CEACAM16: variants seen among roughly 807,000 people sequenced by gnomAD.
The protein encoded by CEACAM16 is cell adhesion molecule CEACAM16.
A neutral mutation model predicts 39.4 loss-of-function variants in CEACAM16; 30 were observed. That is an observed-to-expected ratio of 0.76 (90% CI 0.57 to 1.03). CEACAM16 has a LOEUF of 1.03. CEACAM16 is among the 50% of genes least tolerant of loss of function. The pLI is 0.00. For missense variants in CEACAM16, 521 were observed against 585.3 expected (o/e 0.89, Z 1.13); for synonymous variants, 262 against 264.9 (o/e 0.99, Z 0.11).
chr19:44,705,672 C>T lies in CEACAM16; in HGVS notation c.744C>T (p.Leu248=). ...TCAAAGTTGACTTCAACACGTCCCT[C>T]ACCCTGTGGTGCGTGTCCAGGTCCT... ...CTIKVDFNTS[L]TLWCVSRSCP... Residue 248 remains leucine, a synonymous_variant, in exon 5 of 7, where the codon CTC becomes CTT. Coordinates refer to ENST00000587331, the MANE Select transcript of CEACAM16 (RefSeq NM_001039213.4). The T allele has an allele frequency of 6.2e-7, 1 of 1,613,954 alleles. No individual in the cohort carries two copies. Among genetic ancestry groups the T allele is most frequent in the African/African-American group, 1.3e-5 (1 of 75,064 alleles).
Position 44,703,471 on chromosome 19 carries a change from T to A in CEACAM16, c.160T>A (p.Tyr54Asn), listed in dbSNP as rs760535948. 9.3e-6 allele frequency: 15 copies of A among 1,613,716 alleles called. No individual in the cohort carries two copies. The highest frequency in any genetic ancestry group is 1.2e-5 in the Non-Finnish European group (14 of 1,179,898). Reference protein sequence around the residue: ...LSGELLAYSWYAGPTLSVSYL... With the variant: ...LSGELLAYSWNAGPTLSVSYL... ...GGGGGAACTGCTCGCCTACAGCTGG[T>A]ATGCGGGGCCCACACTCAGCGTGTC... Residue 54 changes from tyrosine (Y) to asparagine (N), a missense_variant, in exon 3 of 7, where the codon TAT (tyrosine) becomes AAT (asparagine). Tyr to Asn is a moderately radical substitution (Grantham distance 143). Coordinates refer to ENST00000587331, the MANE Select transcript of CEACAM16 (RefSeq NM_001039213.4).
At chr19:44,702,238 T>A (rs1416395083) in intron 2 of CEACAM16, among the ~76,000 whole-genome samples, 2 of 150,706 alleles carry the variant, frequency 1.3e-5, no homozygotes, top group Non-Finnish European at 3.0e-5. Context: ...GGTCACAGTG[T>A]GCCGAGACTG....
intron 4 of CEACAM16, 103 bp from the exon 5 acceptor site, chr19:44,705,487 A>G: frequency 7.8e-7 from 1 of 1,275,984 alleles, no homozygotes; most frequent in Admixed American, 2.7e-5. Context: ...CACTAGGCCA[A>G]GATATTCCCA....
Position 44,704,194 on chromosome 19 carries a change from GC to G in CEACAM16, c.561del (p.Arg188GlyfsTer30). 1 of 1,564,758 alleles carries G rather than the reference GC, an allele frequency of 6.4e-7. No homozygotes were observed. The highest frequency in any genetic ancestry group is 8.7e-7 in the Non-Finnish European group (1 of 1,155,240). On this transcript the variant is annotated frameshift_variant, in exon 4 of 7. Coordinates refer to ENST00000587331, the MANE Select transcript of CEACAM16 (RefSeq NM_001039213.4). LOFTEE classifies it high-confidence loss of function. ...CCTGTCCCCTGACGGCCGGGTGCTG[GC>G]CAGGCATGGCATCCGCCGGGAGGAG... ...LGLSPDGRVL[A>X]RHGIRREEAG...
chr19:44,707,690 G>T (rs1974470717), intron 5 of CEACAM16, among the ~76,000 whole-genome samples, 171 bp from the exon 6 acceptor site: 1 of 152,124 alleles, frequency 6.6e-6, no homozygotes, highest in Non-Finnish European at 1.5e-5. Flanking sequence ...GACACTACTG[G>T]GACCCAGAAT....
chr19:44,709,182 A>C (rs575265842), intron 6 of CEACAM16, among the ~76,000 whole-genome samples: 66 of 151,638 alleles, frequency 4.4e-4, no homozygotes, highest in African/African-American at 1.2e-3. Context: ...GGCATGGTCC[A>C]TGTCTCCTCC....
chr19:44,700,575 G>A (rs1043252667), intron 1 of CEACAM16, among the ~76,000 whole-genome samples: 4 of 152,150 alleles, frequency 2.6e-5, no homozygotes, highest in Admixed American at 6.5e-5. Context: ...CAGTGCACCC[G>A]GCCATCATCT....
Position 44,703,572 on chromosome 19 carries a change from G to A in CEACAM16, c.261G>A (p.Val87=), listed in dbSNP as rs751187328. ...PGPAHTGREA[V]RPDGSLDIQG... is the part of the protein sequence containing the mutation. ...CGGCCCACACGGGGCGGGAGGCTGTGCGCCCCGATGGCAGCCTGGACATCC... is the reference window on the plus strand; with the variant it reads ...CGGCCCACACGGGGCGGGAGGCTGTACGCCCCGATGGCAGCCTGGACATCC... The change falls in exon 3 of 7, where the codon GTG becomes GTA. Residue 87 remains valine (V), a synonymous_variant. Transcript: ENST00000587331. 3 of 1,611,064 alleles carry A rather than the reference G, an allele frequency of 1.9e-6. No individual in the cohort carries two copies. The highest frequency in any genetic ancestry group is 2.5e-6 in the Non-Finnish European group (3 of 1,179,134).
chr19:44,702,871 T>G (rs1299841433), intron 2 of CEACAM16, among the ~76,000 whole-genome samples: 3 of 152,352 alleles, frequency 2.0e-5, no homozygotes, highest in Non-Finnish European at 2.9e-5. Context: ...GAGCACTTGC[T>G]TTGCACTTGC....
intron 5 of CEACAM16, among the ~76,000 whole-genome samples, 189 bp from the exon 6 acceptor site, chr19:44,707,672 C>A (rs572572802): frequency 3.9e-5 from 6 of 152,294 alleles, no homozygotes; most frequent in African/African-American, 7.2e-5. Flanking sequence ...GAAACACAGA[C>A]CCCAGCAGAC....
Position 44,710,699 on chromosome 19 carries a change from T to C in CEACAM16, c.*193T>C. ...AGCTGTTGGGGAGCCACCGAGGCCA[T>C]AAACGTCCTGGTTAATGCACACGTG... On this transcript the variant is annotated 3_prime_UTR_variant, in exon 7 of 7. Coordinates refer to ENST00000587331, the MANE Select transcript of CEACAM16 (RefSeq NM_001039213.4). The C allele has an allele frequency of 1.5e-6, 1 of 660,708 alleles. No homozygotes were observed. Among genetic ancestry groups the C allele is most frequent in the Non-Finnish European group, 2.6e-6 (1 of 388,986 alleles). The allele number at this position is 660,708 out of a possible 1,614,324, so 40.9% of individuals were successfully genotyped here.
chr19:44,700,450 ATTAT>A lies in CEACAM16; in HGVS notation c.-96-908_-96-905del, dbSNP rs554657721. Reference sequence around the variant, plus strand: ...ACCACGCCTGGCTATTTTTATTATTATTATTTTTAGTAGAGATGGGGTTTCGCCA... The same window carrying A: ...ACCACGCCTGGCTATTTTTATTATTATTTTAGTAGAGATGGGGTTTCGCCA... On this transcript the variant is annotated intron_variant, in intron 1 of 6. Coordinates refer to ENST00000587331, the MANE Select transcript of CEACAM16 (RefSeq NM_001039213.4). 1.5e-4 allele frequency among the ~76,000 whole-genome samples: 22 copies of A among 146,992 alleles called. No homozygotes were observed. The South Asian group carries it at 1.5e-3, about 10-fold the overall frequency.
At chr19:44,705,563 C>G (rs768905652) in intron 4 of CEACAM16, 27 bp from the exon 5 acceptor site, 6 of 1,568,558 alleles carry the variant, frequency 3.8e-6, no homozygotes, top group Non-Finnish European at 5.2e-6. Context: ...CTCTACTGCC[C>G]CATCTATCTC....
intron 5 of CEACAM16, among the ~76,000 whole-genome samples, chr19:44,707,313 A>G (rs1974464215): frequency 6.6e-6 from 1 of 152,178 alleles, no homozygotes; most frequent in South Asian, 2.1e-4. Context: ...AAACTCAGCA[A>G]CAATTTAGAA....
chr19:44,699,309 C>A (rs1413780477), intron 1 of CEACAM16, 49 bp downstream of exon 1: 1 of 533,382 alleles, frequency 1.9e-6, no homozygotes. Flanking sequence ...TTCAACAGCC[C>A]TGTGATGTGA....
rs761814983 is a variant in CEACAM16 at position 44,703,557 on chromosome 19, G to A, written c.246G>A (p.Thr82=). The part of the protein sequence containing the change: ...TGDETPGPAH[T]GREAVRPDGS... ...ATGAGACTCCTGGCCCGGCCCACAC[G>A]GGGCGGGAGGCTGTGCGCCCCGATG... Residue 82 remains threonine (T), a synonymous_variant, in exon 3 of 7, where the codon ACG becomes ACA. Transcript: ENST00000587331. 25 of 1,612,292 alleles carry A rather than the reference G, an allele frequency of 1.6e-5. No individual in the cohort carries two copies. The highest frequency in any genetic ancestry group is 6.7e-5 in the Admixed American group (4 of 59,864).
chr19:44,707,832 C>G (rs1258205108), intron 5 of CEACAM16, 29 bp from the exon 6 acceptor site: 1 of 1,481,080 alleles, frequency 6.8e-7, no homozygotes, highest in Non-Finnish European at 9.0e-7. Context: ...GCAGACCAAA[C>G]TGACCCAGCC....
rs1192718578 is a variant in CEACAM16 at position 44,705,768 on chromosome 19, C to T, written c.840C>T (p.Ile280=). ...ALKNGQDHLN[I]SSMTAAQEGT... Reference sequence around the variant, plus strand: ...AGAACGGCCAAGACCACCTCAACATCAGCAGCATGACAGCCGCCCAGGAGG... The same window carrying T: ...AGAACGGCCAAGACCACCTCAACATTAGCAGCATGACAGCCGCCCAGGAGG... Residue 280 remains isoleucine (I), a synonymous_variant, in exon 5 of 7, where the codon ATC becomes ATT. Coordinates refer to ENST00000587331, the MANE Select transcript of CEACAM16 (RefSeq NM_001039213.4). 1 of 1,613,920 alleles carries T rather than the reference C, an allele frequency of 6.2e-7. No individual in the cohort carries two copies. The highest frequency in any genetic ancestry group is 1.3e-5 in the African/African-American group (1 of 74,930).
chr19:44,704,917 T>G (rs1344077244), intron 4 of CEACAM16, among the ~76,000 whole-genome samples: 1 of 152,082 alleles, frequency 6.6e-6, no homozygotes, highest in Non-Finnish European at 1.5e-5. Flanking sequence ...GAGGGAATAG[T>G]GTAATGGGAG....
Sources: gnomAD v4.1 joint callset for allele counts (sites outside exome capture counted in the v4.1 genomes callset) on GRCh38, gnomAD v4.1.1 for gene constraint, MANE v1.5 for transcripts, NCBI Gene and HGNC (gene_info 2026-07-23, HGNC 2026-07-21) for gene names.